VRK2: variants seen among roughly 807,000 people sequenced by gnomAD.
VRK2 encodes VRK serine/threonine kinase 2, also known as serine/threonine-protein kinase VRK2.
Under a neutral mutation model 57.6 loss-of-function variants are expected in VRK2, and 60 were observed. The observed-to-expected ratio is 1.04, with a 90% confidence interval of 0.85 to 1.29. The LOEUF (loss-of-function observed/expected upper bound fraction) is 1.29. Ranked by LOEUF, VRK2 falls within the 50% of genes most tolerant of loss-of-function variation. The pLI, the probability that VRK2 is intolerant of heterozygous loss-of-function variation, is 0.00. For missense variants in VRK2, 705 were observed against 588.1 expected, an observed-to-expected ratio of 1.20 and a Z score of -2.06; for synonymous variants, 231 against 199.2, an observed-to-expected ratio of 1.16 and a Z score of -1.35.
chr2:57,962,491 A>G (rs766595976), intron 1 of VRK2, among the ~76,000 whole-genome samples: 1 of 152,056 alleles, frequency 6.6e-6, no homozygotes, highest in Non-Finnish European at 1.5e-5. Context: ...ACGTCACAGA[A>G]GTTTGGTGTA....
At chr2:58,131,468 C>T (rs567276629) in intron 8 of VRK2, among the ~76,000 whole-genome samples, 1 of 152,064 alleles carries the variant, frequency 6.6e-6, no homozygotes, top group South Asian at 2.1e-4. Context: ...CTTTGTTTTA[C>T]TGCTTGGCTC....
At chr2:58,132,425 A>G (rs962197463) in intron 9 of VRK2, among the ~76,000 whole-genome samples, 1 of 152,260 alleles carries the variant, frequency 6.6e-6, no homozygotes, top group African/African-American at 2.4e-5. Context: ...AGCTATTTAT[A>G]TGAGATAATC....
rs10518866 is a variant in VRK2 at position 58,108,422 on chromosome 2, C to A, written c.544-14679C>A. On this transcript the variant is annotated intron_variant, in intron 7 of 12. Transcript: ENST00000340157. ...TTATTCTTTGCCAGAAAAATCCTTC[C>A]GTGACATCTATTTGCTTACAAAAAT... 1.3e-4 allele frequency among the ~76,000 whole-genome samples: 20 copies of A among 152,238 alleles called. No individual in the cohort carries two copies. In the South Asian group the frequency reaches 3.5e-3, roughly 27 times the overall value.
intron 4 of VRK2, 128 bp from the exon 5 acceptor site, chr2:58,086,211 G>A: frequency 1.3e-6 from 1 of 753,392 alleles, no homozygotes; most frequent in Non-Finnish European, 2.1e-6. Context: ...ATGTTTGATT[G>A]AAAAAAAATT....
chr2:58,046,896 T>C (rs1674829910), intron 1 of VRK2, 28 bp downstream of exon 1: 1 of 985,114 alleles, frequency 1.0e-6, no homozygotes, highest in Non-Finnish European at 1.2e-6. Context: ...GGGTCTTGGG[T>C]GGCGGGCGGC....
chr2:58,115,768 G>A (rs925505337), intron 7 of VRK2, among the ~76,000 whole-genome samples: 3 of 152,168 alleles, frequency 2.0e-5, no homozygotes, highest in Admixed American at 6.5e-5. Context: ...CTGAAGTAAC[G>A]GGGGCTGTCT....
intron 4 of VRK2, 104 bp downstream of exon 4, chr2:58,085,054 G>C (rs1388861892): frequency 1.9e-6 from 2 of 1,037,862 alleles, no homozygotes; most frequent in African/African-American, 3.3e-5. Context: ...CTTTTCAATA[G>C]AAATTTTATT....
At chr2:58,085,037 G>A in intron 4 of VRK2, 87 bp downstream of exon 4, 1 of 1,256,916 alleles carries the variant, frequency 8.0e-7, no homozygotes, top group Non-Finnish European at 1.1e-6. Flanking sequence ...TGGCCTTCTG[G>A]AAAATTCTTT....
chr2:58,147,522 C>G (rs1320453100), intron 12 of VRK2, among the ~76,000 whole-genome samples: 3 of 151,746 alleles, frequency 2.0e-5, no homozygotes, highest in African/African-American at 4.8e-5. Flanking sequence ...TTACTTAAGT[C>G]CACCAAAATC....
At chr2:58,133,487 G>A (rs143852731) in intron 9 of VRK2, among the ~76,000 whole-genome samples, 2 of 152,136 alleles carry the variant, frequency 1.3e-5, no homozygotes, top group African/African-American at 4.8e-5. Context: ...GAGAAGGTAT[G>A]ACACTGAAAT....
At chr2:58,057,152 C>G (rs993571346) in intron 2 of VRK2, among the ~76,000 whole-genome samples, 1 of 152,004 alleles carries the variant, frequency 6.6e-6, no homozygotes, top group African/African-American at 2.4e-5. Context: ...TATGGCCTTG[C>G]ATGTTATAGT....
intron 7 of VRK2, among the ~76,000 whole-genome samples, chr2:58,117,731 A>G (rs1676745802): frequency 6.6e-6 from 1 of 152,170 alleles, no homozygotes; most frequent in South Asian, 2.1e-4. Context: ...ACTACTGTCA[A>G]GTTTGTATTG....
chr2:57,956,456 C>T (rs1356380109), intron 1 of VRK2, among the ~76,000 whole-genome samples: 1 of 152,162 alleles, frequency 6.6e-6, no homozygotes, highest in African/African-American at 2.4e-5. Context: ...TCCAGGATGT[C>T]CTAATGGACT....
rs1579673 is a variant in VRK2, at chr2:58,104,405, C to T, written c.543+14682C>T. Among the ~76,000 whole-genome samples the T allele has an allele frequency of 1.3e-4, 19 of 151,868 alleles. No individual in the cohort carries two copies. In the East Asian group the frequency reaches 3.7e-3, roughly 29 times the overall value. ...CAATGTATAAAAATCAGTAGTATTT[C>T]TATACACCAATAACAGTGAAGCTAA... On this transcript the variant is annotated intron_variant, in intron 7 of 12. Coordinates refer to ENST00000340157, the MANE Select transcript of VRK2 (RefSeq NM_006296.7).
intron 1 of VRK2, among the ~76,000 whole-genome samples, chr2:58,022,856 C>G (rs6732965): frequency 0.1 from 15,631 of 152,074 alleles, 894 homozygotes; most frequent in African/African-American, 0.14. Flanking sequence ...GCCTGGGCAA[C>G]AGAGCAAGAC....
At chr2:58,123,057 C>T (rs1250299249) in intron 7 of VRK2, 44 bp from the exon 8 acceptor site, 1 of 1,561,812 alleles carries the variant, frequency 6.4e-7, no homozygotes, top group Non-Finnish European at 8.6e-7. Context: ...GTTATGTTTT[C>T]AGAGGACAAA....
chr2:57,927,290 T>G (rs1186803696), intron 1 of VRK2, among the ~76,000 whole-genome samples: 2 of 151,384 alleles, frequency 1.3e-5, no homozygotes, highest in Non-Finnish European at 3.0e-5. Flanking sequence ...TTTTTTTTTT[T>G]TTTTGAGATG....
intron 1 of VRK2, among the ~76,000 whole-genome samples, chr2:57,976,327 A>G (rs145713500): frequency 8.5e-5 from 13 of 152,246 alleles, no homozygotes; most frequent in Non-Finnish European, 1.3e-4. Context: ...TCTTTGAGAA[A>G]TCTCAAAACT....
intron 7 of VRK2, among the ~76,000 whole-genome samples, chr2:58,096,891 A>T (rs1419671052): frequency 3.3e-5 from 5 of 151,630 alleles, no homozygotes; most frequent in African/African-American, 1.2e-4. Context: ...TGTTCTCTTT[A>T]TTCTTTGGAA....
Sources: allele counts gnomAD v4.1 joint callset (sites outside exome capture counted in the v4.1 genomes callset), GRCh38; gene constraint gnomAD v4.1.1; transcripts MANE v1.5; gene names NCBI Gene and HGNC (gene_info 2026-07-23, HGNC 2026-07-21).